ARNT2: variants seen among roughly 807,000 people sequenced by gnomAD.
ARNT2 encodes the protein aryl hydrocarbon receptor nuclear translocator 2.
Under a neutral mutation model 91.7 loss-of-function variants are expected in ARNT2, and 36 were observed. That is an observed-to-expected ratio of 0.39 (90% CI 0.30 to 0.52). The LOEUF (loss-of-function observed/expected upper bound fraction) is 0.52. ARNT2 is among the 20% of genes least tolerant of loss of function. The pLI, the probability that ARNT2 is intolerant of heterozygous loss-of-function variation, is 0.72. For synonymous variants in ARNT2, 365 were observed against 347.1 expected (o/e 1.05, Z -0.57); for missense variants, 775 against 939.3 (o/e 0.83, Z 2.29).
At chr15:80,429,972 C>T (rs1303489435) in intron 1 of ARNT2, among the ~76,000 whole-genome samples, 2 of 152,124 alleles carry the variant, frequency 1.3e-5, no homozygotes, top group African/African-American at 4.8e-5. Flanking sequence ...GTAGTCACAT[C>T]CCTGGGACAT....
chr15:80,593,914 G>A lies in ARNT2; in HGVS notation c.*216G>A, dbSNP rs1456378445. ...GACCAGGGGCCCTGGCAGACATTAG[G>A]GGATCAGTTGTATTTATTGTATTTT... On this transcript the variant is annotated 3_prime_UTR_variant, in exon 19 of 19. Transcript: ENST00000303329. 2 of 569,464 alleles carry A rather than the reference G, an allele frequency of 3.5e-6. No homozygotes were observed. The highest frequency in any genetic ancestry group is 6.3e-6 in the Non-Finnish European group (2 of 319,358). 35.3% of individuals were successfully genotyped at this position (569,464 alleles called of 1,614,324 possible).
intron 17 of ARNT2, among the ~76,000 whole-genome samples, chr15:80,590,073 G>A (rs149343058): frequency 2.6e-5 from 4 of 152,294 alleles, no homozygotes; most frequent in Non-Finnish European, 5.9e-5. Context: ...GGGAGAGAGA[G>A]CGAGGGAGAG....
intron 8 of ARNT2, among the ~76,000 whole-genome samples, chr15:80,543,052 G>A (rs1340532312): frequency 1.0e-4 from 14 of 139,926 alleles, no homozygotes; most frequent in African/African-American, 3.5e-4. Context: ...AACCAAGATC[G>A]CGCCACTGCA....
At chr15:80,580,293 T>C (rs1898767571) in intron 15 of ARNT2, 118 bp from the exon 16 acceptor site, 1 of 1,289,096 alleles carries the variant, frequency 7.8e-7, no homozygotes, top group Non-Finnish European at 1.1e-6. Context: ...TCTAGTGACG[T>C]GCTGCATGGA....
intron 5 of ARNT2, among the ~76,000 whole-genome samples, chr15:80,479,734 G>A (rs1896857936): frequency 6.6e-6 from 1 of 152,124 alleles, no homozygotes; most frequent in Admixed American, 6.5e-5. Flanking sequence ...GCAGAAACAG[G>A]GTGCCTTCCT....
At chr15:80,414,759 C>T (rs1384429062) in intron 1 of ARNT2, among the ~76,000 whole-genome samples, 1 of 135,902 alleles carries the variant, frequency 7.4e-6, no homozygotes, top group Non-Finnish European at 1.6e-5. Context: ...CAGCTGTGTT[C>T]TCTCTCTCTT....
rs1893357977 is a variant in ARNT2, at chr15:80,595,298, CT to C, written c.*1602del. ...GAGGGACCTACCCTCTGGGAAAGCCCTTGTGTCCCTCCCAGAGTCCTTCAGG... is the reference window on the plus strand; with the variant it reads ...GAGGGACCTACCCTCTGGGAAAGCCCTGTGTCCCTCCCAGAGTCCTTCAGG... On this transcript the variant is annotated 3_prime_UTR_variant, in exon 19 of 19. Transcript: ENST00000303329. The C allele has an allele frequency of 6.6e-6, 1 of 152,256 alleles. No homozygotes were observed. Among genetic ancestry groups the C allele is most frequent in the South Asian group, 2.1e-4 (1 of 4,834 alleles). 9.4% of individuals were successfully genotyped at this position (152,256 alleles called of 1,614,324 possible). A position where few individuals can be genotyped will look rare whatever the true frequency, so the allele number is the denominator to read the frequency against.
chr15:80,464,658 T>C (rs936962951), intron 3 of ARNT2, among the ~76,000 whole-genome samples: 1 of 152,220 alleles, frequency 6.6e-6, no homozygotes, highest in African/African-American at 2.4e-5. Flanking sequence ...CTGGGAAAAC[T>C]GCCTTACTGA....
intron 5 of ARNT2, among the ~76,000 whole-genome samples, chr15:80,501,723 G>C (rs1897197653): frequency 6.6e-6 from 1 of 152,172 alleles, no homozygotes; most frequent in Non-Finnish European, 1.5e-5. Flanking sequence ...GATTCTCTAA[G>C]GGGGTTTGTT....
chr15:80,503,585 G>A (rs1020680288), intron 5 of ARNT2, among the ~76,000 whole-genome samples: 4 of 152,182 alleles, frequency 2.6e-5, no homozygotes, highest in African/African-American at 9.7e-5. Flanking sequence ...CCCTCATGCT[G>A]GCCTGCTTCA....
At chr15:80,412,689 G>C (rs1432874813) in intron 1 of ARNT2, among the ~76,000 whole-genome samples, 1 of 152,152 alleles carries the variant, frequency 6.6e-6, no homozygotes, top group African/African-American at 2.4e-5. Context: ...AATATTTGGT[G>C]TGCTTTTCTG....
intron 6 of ARNT2, among the ~76,000 whole-genome samples, chr15:80,513,468 T>G (rs992795039): frequency 2.0e-5 from 3 of 152,232 alleles, no homozygotes; most frequent in African/African-American, 4.8e-5. Context: ...CCTGAGAAGA[T>G]GTTACTGTTC....
intron 17 of ARNT2, among the ~76,000 whole-genome samples, chr15:80,583,092 A>G (rs1248619719): frequency 6.6e-6 from 1 of 152,240 alleles, no homozygotes; most frequent in Non-Finnish European, 1.5e-5. Flanking sequence ...CCCCACCCAG[A>G]GAAGGACACA....
At chr15:80,505,181 A>T (rs778102558) in intron 5 of ARNT2, among the ~76,000 whole-genome samples, 1 of 152,160 alleles carries the variant, frequency 6.6e-6, no homozygotes, top group Non-Finnish European at 1.5e-5. Context: ...ATTTTTTGCA[A>T]TAGAGAAAAC....
chr15:80,479,225 A>G (rs1378113253), intron 5 of ARNT2, among the ~76,000 whole-genome samples: 1 of 152,218 alleles, frequency 6.6e-6, no homozygotes, highest in East Asian at 1.9e-4. Flanking sequence ...GGGACCCCAG[A>G]AAATCAATAT....
chr15:80,441,338 G>T, intron 1 of ARNT2: 2 of 985,320 alleles, frequency 2.0e-6, no homozygotes, highest in Non-Finnish European at 2.4e-6. Flanking sequence ...GAAGGTGTTG[G>T]TCACAAGGAA....
At chr15:80,477,258 A>G (rs1239531140) in intron 5 of ARNT2, among the ~76,000 whole-genome samples, 1 of 152,178 alleles carries the variant, frequency 6.6e-6, no homozygotes, top group Non-Finnish European at 1.5e-5. Flanking sequence ...AGACTAATAC[A>G]GTCAGAGTTC....
chr15:80,508,220 G>A lies in ARNT2; in HGVS notation c.687G>A (p.Met229Ile), dbSNP rs973493965. Residue 229 changes from methionine (M) to isoleucine (I), a missense_variant, in exon 6 of 19, where the codon ATG becomes ATA. By Grantham distance (10) the Met-to-Ile change is conservative. This residue lies in a region of ARNT2 where 285 missense variants were observed against 327.2 expected (regional missense o/e 0.87). Transcript: ENST00000303329. Reference protein sequence around the residue: ...KKEGQQSSMRMCMGSRRSFIC... With the variant: ...KKEGQQSSMRICMGSRRSFIC... ...AAGGGCAGCAGTCATCCATGAGGAT[G>A]TGCATGGGCTCGCGGCGGTCTTTCA... is the stretch of plus-strand genomic sequence containing the variant. 60 of 1,614,040 alleles carry A rather than the reference G, an allele frequency of 3.7e-5. No individual in the cohort carries two copies. The highest frequency in any genetic ancestry group is 4.8e-5 in the Non-Finnish European group (57 of 1,180,014).
At chr15:80,502,625 C>G (rs1187288719) in intron 5 of ARNT2, among the ~76,000 whole-genome samples, 5 of 152,124 alleles carry the variant, frequency 3.3e-5, no homozygotes, top group Admixed American at 2.0e-4. Context: ...TGACCCCATG[C>G]CATGTGGGAC....
Sources: gnomAD v4.1 joint callset for allele counts (sites outside exome capture counted in the v4.1 genomes callset) on GRCh38, gnomAD v4.1.1 for gene constraint, gnomAD v4.1.1 regional missense constraint, MANE v1.5 for transcripts, NCBI Gene and HGNC (gene_info 2026-07-23, HGNC 2026-07-21) for gene names.